PRRG1: variants seen among roughly 807,000 people sequenced by gnomAD.
PRRG1 encodes the protein proline rich and Gla domain 1, also known as transmembrane gamma-carboxyglutamic acid protein 1.
A neutral mutation model predicts 11.8 loss-of-function variants in PRRG1; 5 were observed. That is an observed-to-expected ratio of 0.42 (90% CI 0.22 to 0.89). The LOEUF (loss-of-function observed/expected upper bound fraction) is 0.89. PRRG1 is among the 40% of genes least tolerant of loss of function. PRRG1 has a pLI of 0.28. For synonymous variants in PRRG1, 66 were observed against 60.4 expected (o/e 1.09, Z -0.43); for missense variants, 155 against 166.1 (o/e 0.93, Z 0.37).
chrX:37,354,645 G>T (rs1005003702), intron 1 of PRRG1, among the ~76,000 whole-genome samples: 1 of 109,993 alleles, frequency 9.1e-6, no homozygotes, highest in East Asian at 2.9e-4. Flanking sequence ...CGCCTGCCTC[G>T]GCCTCCCAAA....
At chrX:37,405,655 G>A (rs782431414) in intron 1 of PRRG1, among the ~76,000 whole-genome samples, 10 of 110,924 alleles carry the variant, frequency 9.0e-5, no homozygotes, top group Admixed American at 2.9e-4. Context: ...GTTGTCAGTA[G>A]TTTATGATCA....
chrX:37,404,526 A>G (rs1377603570), intron 1 of PRRG1, among the ~76,000 whole-genome samples: 1 of 111,105 alleles, frequency 9.0e-6, no homozygotes, highest in African/African-American at 3.3e-5. Context: ...GTTTCCCAGA[A>G]TAGCTTTATC....
chrX:37,432,586 T>C (rs1932843534), intron 3 of PRRG1, among the ~76,000 whole-genome samples: 1 of 111,727 alleles, frequency 9.0e-6, no homozygotes, highest in Non-Finnish European at 1.9e-5. Flanking sequence ...TATAGAATCA[T>C]TCTCATCTTA....
At chrX:37,363,168 T>C (rs1176092618) in intron 1 of PRRG1, among the ~76,000 whole-genome samples, 1 of 112,005 alleles carries the variant, frequency 8.9e-6, no homozygotes, top group Non-Finnish European at 1.9e-5. Context: ...TCAAAGAGTT[T>C]AAGTGCCCAA....
At chrX:37,359,997 G>A (rs1198378044) in intron 1 of PRRG1, among the ~76,000 whole-genome samples, 4 of 111,225 alleles carry the variant, frequency 3.6e-5, no homozygotes, top group African/African-American at 9.8e-5. Flanking sequence ...CTGTAGTGAT[G>A]TCCTTTCTTT....
intron 1 of PRRG1, among the ~76,000 whole-genome samples, chrX:37,351,324 C>T (rs1280511418): frequency 9.1e-6 from 1 of 110,088 alleles, no homozygotes; most frequent in Non-Finnish European, 1.9e-5. Flanking sequence ...GAAACCCCGT[C>T]TCTACTAAAA....
chrX:37,432,288 C>T lies in PRRG1; in HGVS notation c.171+6288C>T, dbSNP rs782664496. On this transcript the variant is annotated intron_variant, in intron 3 of 3. Coordinates refer to ENST00000378628, the MANE Select transcript of PRRG1 (RefSeq NM_001142395.2). ...ATTTTTAGTAGAGACGGCTTTCACCCTGTTAGCCAGGATGGTCTCGATCTC... is the reference window on the plus strand; with the variant it reads ...ATTTTTAGTAGAGACGGCTTTCACCTTGTTAGCCAGGATGGTCTCGATCTC... 1.1e-4 allele frequency among the ~76,000 whole-genome samples: 11 copies of T among 100,013 alleles called. No individual in the cohort carries two copies. The East Asian group carries it at 3.2e-3, about 29-fold the overall frequency. The allele number at this position is 100,013 out of a possible 115,157, so 86.8% of individuals were successfully genotyped here. A position where few individuals can be genotyped will look rare whatever the true frequency, so the allele number is the denominator to read the frequency against.
intron 1 of PRRG1, among the ~76,000 whole-genome samples, chrX:37,351,285 G>T (rs1211188346): frequency 9.0e-6 from 1 of 111,152 alleles, no homozygotes; most frequent in Non-Finnish European, 1.9e-5. Context: ...ACAAGGCCAG[G>T]AGATCCAGAC....
chrX:37,390,067 C>T (rs950167481), intron 1 of PRRG1, among the ~76,000 whole-genome samples: 2 of 111,622 alleles, frequency 1.8e-5, no homozygotes, highest in Non-Finnish European at 3.8e-5. Context: ...AGTCAAAAAT[C>T]AAGATGACAG....
intron 1 of PRRG1, among the ~76,000 whole-genome samples, chrX:37,400,470 T>C (rs1315125961): frequency 1.8e-5 from 2 of 110,190 alleles, no homozygotes; most frequent in Admixed American, 9.6e-5. Flanking sequence ...ATCTCTGGGA[T>C]GCATTCAAAG....
At chrX:37,401,820 A>G in intron 1 of PRRG1, among the ~76,000 whole-genome samples, 1 of 111,255 alleles carries the variant, frequency 9.0e-6, no homozygotes, top group Non-Finnish European at 1.9e-5. Flanking sequence ...CAAAAATGAC[A>G]AGCATTCTTA....
chrX:37,417,234 A>G (rs1384228189), intron 2 of PRRG1, among the ~76,000 whole-genome samples: 2 of 111,030 alleles, frequency 1.8e-5, no homozygotes, highest in Non-Finnish European at 3.8e-5. Context: ...GGCAGATTTC[A>G]GGTATTAAAT....
chrX:37,412,025 T>A (rs1932365071), intron 2 of PRRG1, among the ~76,000 whole-genome samples: 1 of 111,742 alleles, frequency 8.9e-6, no homozygotes, highest in Admixed American at 9.5e-5. Context: ...AAATCTTAGG[T>A]CTATAAAATC....
chrX:37,397,145 T>C (rs782563256), intron 1 of PRRG1, among the ~76,000 whole-genome samples: 4 of 112,504 alleles, frequency 3.6e-5, no homozygotes, highest in Non-Finnish European at 5.6e-5. Flanking sequence ...CCTGGAAAAA[T>C]TTCTATAACT....
At chrX:37,445,937 G>T (rs904331653) in intron 3 of PRRG1, among the ~76,000 whole-genome samples, 1 of 112,337 alleles carries the variant, frequency 8.9e-6, no homozygotes, top group Non-Finnish European at 1.9e-5. Flanking sequence ...GTCCTACAAA[G>T]TCTAAAATAT....
Position 37,454,815 on chromosome X carries a change from A to T in PRRG1, c.*1194A>T, listed in dbSNP as rs1160728073. 1.8e-5 allele frequency: 2 copies of T among 111,675 alleles called. No individual in the cohort carries two copies. The highest frequency in any genetic ancestry group is 6.5e-5 in the African/African-American group (2 of 30,613). 9.2% of individuals were successfully genotyped at this position (111,675 alleles called of 1,213,427 possible). Reference sequence around the variant, plus strand: ...TGTATTTTCATCAGGTATTTTTTTAACTGTAGGGTTTTTACTTTTTTCTTG... The same window carrying T: ...TGTATTTTCATCAGGTATTTTTTTATCTGTAGGGTTTTTACTTTTTTCTTG... On this transcript the variant is annotated 3_prime_UTR_variant, in exon 4 of 4. Coordinates refer to ENST00000378628, the MANE Select transcript of PRRG1 (RefSeq NM_001142395.2).
At chrX:37,427,777 A>G (rs1382393906) in intron 3 of PRRG1, among the ~76,000 whole-genome samples, 4 of 111,806 alleles carry the variant, frequency 3.6e-5, no homozygotes, top group Non-Finnish European at 5.6e-5. Flanking sequence ...TGTTGTCACA[A>G]ATTACAGGAT....
At chrX:37,360,551 A>C (rs1373951158) in intron 1 of PRRG1, among the ~76,000 whole-genome samples, 33 of 112,400 alleles carry the variant, frequency 2.9e-4, no homozygotes, top group Admixed American at 2.7e-3. Context: ...ACATTTGTTA[A>C]GATATGTTTT....
intron 1 of PRRG1, among the ~76,000 whole-genome samples, chrX:37,376,762 C>T (rs190711128): frequency 0.029 from 3,019 of 105,157 alleles, 101 homozygotes; most frequent in African/African-American, 0.096. Context: ...CTCTTGATTT[C>T]CATATAACAG....
Sources: allele counts gnomAD v4.1 joint callset (sites outside exome capture counted in the v4.1 genomes callset), GRCh38; gene constraint gnomAD v4.1.1; transcripts MANE v1.5; gene names NCBI Gene and HGNC (gene_info 2026-07-23, HGNC 2026-07-21).